Variants in PPP6R3 observed in about 807,000 individuals in gnomAD.
The protein encoded by PPP6R3 is serine/threonine-protein phosphatase 6 regulatory subunit 3.
In PPP6R3, 38 loss-of-function variants were observed where a neutral mutation model predicts 110.7. That is an observed-to-expected ratio of 0.34 (90% CI 0.26 to 0.45). The LOEUF is 0.45. Among genes scored for constraint, PPP6R3 ranks in the 20% least tolerant of loss-of-function variants. The pLI is 1.00. For missense variants in PPP6R3, 870 were observed against 1,062.4 expected (o/e 0.82, Z 2.52); for synonymous variants, 369 against 373.5 (o/e 0.99, Z 0.14).
chr11:68,529,092 T>C (rs1011649847), intron 2 of PPP6R3, among the ~76,000 whole-genome samples: 1 of 152,236 alleles, frequency 6.6e-6, no homozygotes, highest in Non-Finnish European at 1.5e-5. Flanking sequence ...TTGTCCACAT[T>C]AATCAAGTAT....
At chr11:68,573,078 A>G (rs1314930167) in intron 12 of PPP6R3, among the ~76,000 whole-genome samples, 1 of 139,728 alleles carries the variant, frequency 7.2e-6, no homozygotes, top group Non-Finnish European at 1.5e-5. Flanking sequence ...CTTTGTAAAT[A>G]GGTAGAGAAA....
intron 1 of PPP6R3, among the ~76,000 whole-genome samples, chr11:68,508,065 G>A (rs904753549): frequency 6.7e-6 from 1 of 149,450 alleles, no homozygotes; most frequent in African/African-American, 2.5e-5. Flanking sequence ...TTATATGAGA[G>A]GATAGGGAGC....
intron 2 of PPP6R3, among the ~76,000 whole-genome samples, chr11:68,524,127 A>T (rs1028500417): frequency 6.6e-6 from 1 of 152,188 alleles, no homozygotes; most frequent in Non-Finnish European, 1.5e-5. Flanking sequence ...ATAGAAAATC[A>T]TTCAGGCTTT....
At chr11:68,519,758 T>C (rs903268270) in intron 2 of PPP6R3, 107 bp downstream of exon 2, 10 of 394,784 alleles carry the variant, frequency 2.5e-5, no homozygotes, top group Middle Eastern at 6.3e-4. Context: ...TGGAGACCAG[T>C]CTCTCTGAGC....
intron 21 of PPP6R3, 114 bp from the exon 22 acceptor site, chr11:68,603,228 C>CTTTTTT: frequency 1.5e-6 from 2 of 1,366,514 alleles, no homozygotes. Context: ...CCATCTCACT[C>CTTTTTT]TTTTTTTTCT....
At chr11:68,523,596 G>T (rs112280967) in intron 2 of PPP6R3, among the ~76,000 whole-genome samples, 2 of 151,896 alleles carry the variant, frequency 1.3e-5, no homozygotes, top group Non-Finnish European at 2.9e-5. Flanking sequence ...CAGTACCTTG[G>T]GGGGATCTGT....
At chr11:68,588,257 G>A (rs1307262086) in intron 16 of PPP6R3, among the ~76,000 whole-genome samples, 1 of 152,068 alleles carries the variant, frequency 6.6e-6, no homozygotes, top group Non-Finnish European at 1.5e-5. Context: ...CCAGCACTTT[G>A]GGGGGCTGAG....
Position 68,502,643 on chromosome 11 carries a change from CAATGTTTTGGTG to C in PPP6R3, c.-157-16854_-157-16843del, listed in dbSNP as rs563373234. Among the ~76,000 whole-genome samples the C allele has an allele frequency of 3.8e-3, 572 of 152,208 alleles. 4 individuals carry two copies. Among genetic ancestry groups the C allele is most frequent in the African/African-American group, 0.013 (550 of 41,512 alleles). On this transcript the variant is annotated intron_variant, in intron 1 of 23. Transcript: ENST00000393800. Reference sequence around the variant, plus strand: ...AAGGGAAAGTGTAAGGCGGAACTGACAATGTTTTGGTGAATTGGATTGGAAGGGAAAAGAGGA... The same window carrying C: ...AAGGGAAAGTGTAAGGCGGAACTGACAATTGGATTGGAAGGGAAAAGAGGA...
intron 1 of PPP6R3, among the ~76,000 whole-genome samples, chr11:68,497,804 G>C (rs1470634630): frequency 1.3e-5 from 2 of 151,890 alleles, no homozygotes; most frequent in African/African-American, 4.8e-5. Flanking sequence ...TCGTGTTTTT[G>C]GTGTCATATC....
intron 18 of PPP6R3, among the ~76,000 whole-genome samples, chr11:68,595,124 C>G (rs2153895774): frequency 6.7e-6 from 1 of 149,736 alleles, no homozygotes; most frequent in South Asian, 2.1e-4. Flanking sequence ...TACAAGAAAA[C>G]TTAGAAAATC....
chr11:68,611,603 C>T (rs1413667676), intron 23 of PPP6R3, among the ~76,000 whole-genome samples: 2 of 152,218 alleles, frequency 1.3e-5, no homozygotes, highest in Non-Finnish European at 2.9e-5. Flanking sequence ...TGTGTGGTGG[C>T]CACTGGTCTA....
At chr11:68,530,265 GC>G (rs2099230064) in intron 2 of PPP6R3, among the ~76,000 whole-genome samples, 1 of 152,104 alleles carries the variant, frequency 6.6e-6, no homozygotes, top group Non-Finnish European at 1.5e-5. Flanking sequence ...AGAAGGGAGT[GC>G]TGAAGGGAGA....
intron 2 of PPP6R3, among the ~76,000 whole-genome samples, chr11:68,536,994 C>G (rs1235767368): frequency 1.3e-5 from 2 of 152,026 alleles, no homozygotes; most frequent in African/African-American, 4.8e-5. Context: ...TTTTTTAGCT[C>G]TATAATTTGA....
At chr11:68,525,043 A>G (rs1162281606) in intron 2 of PPP6R3, among the ~76,000 whole-genome samples, 1 of 152,198 alleles carries the variant, frequency 6.6e-6, no homozygotes, top group African/African-American at 2.4e-5. Flanking sequence ...CATGCTCTTG[A>G]TGACTGCTTC....
At chr11:68,482,112 C>T (rs11228255) in intron 1 of PPP6R3, among the ~76,000 whole-genome samples, 3 of 151,282 alleles carry the variant, frequency 2.0e-5, no homozygotes, top group Non-Finnish European at 4.4e-5. Context: ...GGTGCAGTGG[C>T]TCATGCCTGT....
intron 3 of PPP6R3, 96 bp downstream of exon 3, chr11:68,537,987 C>T: frequency 1.1e-6 from 1 of 930,688 alleles, no homozygotes; most frequent in Non-Finnish European, 1.6e-6. Context: ...GTGACTGTTG[C>T]CATTTACAGA....
Position 68,614,489 on chromosome 11 carries a change from C to T in PPP6R3, c.*1372C>T. ...GTTTTTCCTGACCAGTATTTAAAAC[C>T]AAAAGGATATTCTGAAAAATGGCCA... On this transcript the variant is annotated 3_prime_UTR_variant, in exon 24 of 24. Transcript: ENST00000393800. The T allele has an allele frequency of 7.2e-7, 1 of 1,396,180 alleles. No individual in the cohort carries two copies. Among genetic ancestry groups the T allele is most frequent in the Non-Finnish European group, 9.3e-7 (1 of 1,077,948 alleles). 86.5% of individuals were successfully genotyped at this position (1,396,180 alleles called of 1,614,324 possible).
intron 22 of PPP6R3, among the ~76,000 whole-genome samples, chr11:68,608,276 G>A (rs1225498478): frequency 6.6e-6 from 1 of 152,128 alleles, no homozygotes; most frequent in East Asian, 1.9e-4. Context: ...CAAAAGATAA[G>A]TTTATAGACA....
chr11:68,481,809 G>A (rs553407040), intron 1 of PPP6R3, among the ~76,000 whole-genome samples: 72 of 152,282 alleles, frequency 4.7e-4, no homozygotes, highest in Middle Eastern at 3.4e-3. Flanking sequence ...TTTGCTTGCT[G>A]AGTCCCTGCT....
Sources: gnomAD v4.1 joint callset for allele counts (sites outside exome capture counted in the v4.1 genomes callset) on GRCh38, gnomAD v4.1.1 for gene constraint, MANE v1.5 for transcripts, NCBI Gene and HGNC (gene_info 2026-07-23, HGNC 2026-07-21) for gene names.